KCND3: variants seen among roughly 807,000 people sequenced by gnomAD.
KCND3 encodes the protein A-type voltage-gated potassium channel KCND3.
Under a neutral mutation model 51.1 loss-of-function variants are expected in KCND3, and 9 were observed. The ratio of observed to expected loss-of-function variants is 0.18; its 90% CI spans 0.11 to 0.31. The LOEUF (loss-of-function observed/expected upper bound fraction) is 0.31, where lower values mean the gene tolerates loss of function less well. Ranked by LOEUF, KCND3 falls within the 10% of genes least tolerant of loss-of-function variation. KCND3 has a pLI of 1.00. For synonymous variants in KCND3, 349 were observed against 368.0 expected, an observed-to-expected ratio of 0.95 and a Z score of 0.59; for missense variants, 526 against 903.8, an observed-to-expected ratio of 0.58 and a Z score of 5.36.
intron 2 of KCND3, among the ~76,000 whole-genome samples, chr1:111,822,371 CTCT>C (rs1666391052): frequency 6.6e-6 from 1 of 152,140 alleles, no homozygotes; most frequent in East Asian, 1.9e-4. Context: ...TCCATACCCT[CTCT>C]TCTTGCCCCG....
chr1:111,907,350 A>T (rs137935411), intron 2 of KCND3, among the ~76,000 whole-genome samples: 2 of 152,226 alleles, frequency 1.3e-5, no homozygotes, highest in African/African-American at 4.8e-5. Context: ...TGTGGGCTGG[A>T]CTTGTTGACT....
intron 2 of KCND3, among the ~76,000 whole-genome samples, chr1:111,908,788 C>G (rs764133841): frequency 6.6e-6 from 1 of 152,058 alleles, no homozygotes. Flanking sequence ...CACCCATTCC[C>G]TTCCCCAACT....
At chr1:111,878,232 G>A (rs1002985426) in intron 2 of KCND3, among the ~76,000 whole-genome samples, 4 of 152,216 alleles carry the variant, frequency 2.6e-5, no homozygotes, top group Admixed American at 1.3e-4. Context: ...AAGCATGTAC[G>A]TGAAACCTCT....
Position 111,799,687 on chromosome 1 carries a change from G to A in KCND3, c.1107-12581C>T, listed in dbSNP as rs151214471. The stretch of plus-strand genomic sequence containing the variant: ...TGATCACTGTAGCCCATCGCAGAGC[G>A]CAATGAAGTCTGGTTCTTGTAGAGA... On this transcript the variant is annotated intron_variant, in intron 2 of 7. Coordinates refer to ENST00000302127, the MANE Select transcript of KCND3 (RefSeq NM_001378969.1). Among the ~76,000 whole-genome samples, 108 of 152,322 alleles carry A rather than the reference G, an allele frequency of 7.1e-4. 2 individuals carry two copies. In the East Asian group the frequency reaches 0.019, roughly 27 times the overall value.
intron 2 of KCND3, among the ~76,000 whole-genome samples, chr1:111,942,964 C>T (rs56116698): frequency 0.014 from 2,066 of 152,144 alleles, 37 homozygotes; most frequent in African/African-American, 0.041. Flanking sequence ...GATGAAGAAC[C>T]GAAGCTAAAA....
At chr1:111,784,144 C>CACACACACACACACACACACA (rs59742862) in intron 3 of KCND3, among the ~76,000 whole-genome samples, 2 of 149,260 alleles carry the variant, frequency 1.3e-5, no homozygotes, top group Non-Finnish European at 1.5e-5. Flanking sequence ...CACACACACA[C>CACACACACACACACACACACA]CAGTCCAAGT....
intron 2 of KCND3, among the ~76,000 whole-genome samples, chr1:111,920,489 C>T (rs943238458): frequency 1.3e-5 from 2 of 152,258 alleles, no homozygotes; most frequent in African/African-American, 2.4e-5. Flanking sequence ...GCTTGCTTGG[C>T]AGCACTCAAG....
At chr1:111,815,755 T>C (rs2101585100) in intron 2 of KCND3, among the ~76,000 whole-genome samples, 1 of 152,192 alleles carries the variant, frequency 6.6e-6, no homozygotes, top group South Asian at 2.1e-4. Context: ...CATATATTTT[T>C]ACTGCTTTAG....
At chr1:111,873,769 G>A (rs1668933353) in intron 2 of KCND3, among the ~76,000 whole-genome samples, 1 of 152,082 alleles carries the variant, frequency 6.6e-6, no homozygotes, top group African/African-American at 2.4e-5. Context: ...AAATTCACTG[G>A]GAAGTATGGT....
chr1:111,890,683 A>T (rs1428926260), intron 2 of KCND3, among the ~76,000 whole-genome samples: 1 of 152,140 alleles, frequency 6.6e-6, no homozygotes, highest in Non-Finnish European at 1.5e-5. Flanking sequence ...AAGGACCAAG[A>T]ACCCAATCCT....
At chr1:111,861,053 T>C (rs1233421841) in intron 2 of KCND3, among the ~76,000 whole-genome samples, 2 of 151,956 alleles carry the variant, frequency 1.3e-5, no homozygotes, top group African/African-American at 4.8e-5. Flanking sequence ...CTGGCAGAGC[T>C]CCTCTCACCA....
intron 2 of KCND3, chr1:111,909,700 A>G (rs1232220414): frequency 2.0e-5 from 3 of 152,258 alleles, no homozygotes; most frequent in Non-Finnish European, 4.4e-5. Context: ...TCCAAGGACA[A>G]GAACCAGTGA....
chr1:111,913,247 C>T (rs1671047517), intron 2 of KCND3, among the ~76,000 whole-genome samples: 1 of 152,174 alleles, frequency 6.6e-6, no homozygotes, highest in Non-Finnish European at 1.5e-5. Context: ...TAGGCTATAC[C>T]ATATAGCCTA....
At chr1:111,913,748 A>T (rs1671070464) in intron 2 of KCND3, among the ~76,000 whole-genome samples, 1 of 152,060 alleles carries the variant, frequency 6.6e-6, no homozygotes, top group Non-Finnish European at 1.5e-5. Flanking sequence ...TCTCTAAAAT[A>T]AGCTGGGTGT....
intron 2 of KCND3, among the ~76,000 whole-genome samples, chr1:111,845,432 T>G (rs1667501038): frequency 6.6e-6 from 1 of 152,178 alleles, no homozygotes; most frequent in African/African-American, 2.4e-5. Context: ...ATGCCAGACT[T>G]GGCATGTCCA....
At chr1:111,825,163 G>C (rs1666518962) in intron 2 of KCND3, among the ~76,000 whole-genome samples, 2 of 152,164 alleles carry the variant, frequency 1.3e-5, no homozygotes. Flanking sequence ...GCATTATTTG[G>C]AGTCATTCTG....
rs535917920 is a variant in KCND3 at position 111,795,722 on chromosome 1, G to A, written c.1107-8616C>T. Among the ~76,000 whole-genome samples the A allele has an allele frequency of 8.5e-5, 13 of 152,302 alleles. 1 individual carries two copies. The highest frequency in any genetic ancestry group is 4.2e-4 in the South Asian group (2 of 4,816). On this transcript the variant is annotated intron_variant, in intron 2 of 7. Transcript: ENST00000302127. ...TATCCAGTAATGGGATTACTGGGTC[G>A]AATGGTATTTCTGTTTTTAGGTCTT...
intron 2 of KCND3, among the ~76,000 whole-genome samples, chr1:111,911,903 G>A (rs923023106): frequency 2.0e-5 from 3 of 152,158 alleles, no homozygotes; most frequent in Non-Finnish European, 2.9e-5. Context: ...TGCCTGCATC[G>A]GATTTCCAGG....
chr1:111,894,675 G>A (rs570430838), intron 2 of KCND3, among the ~76,000 whole-genome samples: 5 of 152,348 alleles, frequency 3.3e-5, no homozygotes, highest in Non-Finnish European at 5.9e-5. Flanking sequence ...TCCTAGCTGG[G>A]ACTGGCGGAG....
Sources: gnomAD v4.1 joint callset for allele counts (sites outside exome capture counted in the v4.1 genomes callset) on GRCh38, gnomAD v4.1.1 for gene constraint, MANE v1.5 for transcripts, NCBI Gene and HGNC (gene_info 2026-07-23, HGNC 2026-07-21) for gene names.